Variants in NOBOX observed in about 807,000 individuals in gnomAD.
NOBOX encodes homeobox protein NOBOX.
Under a neutral mutation model 60.2 loss-of-function variants are expected in NOBOX, and 46 were observed. The ratio of observed to expected loss-of-function variants is 0.76; its 90% CI spans 0.60 to 0.98. NOBOX has a LOEUF of 0.98. NOBOX is among the 50% of genes least tolerant of loss of function. NOBOX has a pLI of 0.00. For synonymous variants in NOBOX, 360 were observed against 346.3 expected (o/e 1.04, Z -0.44); for missense variants, 880 against 865.5 (o/e 1.02, Z -0.21).
intron 2 of NOBOX, 88 bp from the exon 1 acceptor site, chr7:144,403,781 A>T (rs2053961879): frequency 2.0e-6 from 1 of 496,088 alleles, no homozygotes; most frequent in Admixed American, 4.0e-5. Context: ...TGCAGCCCGC[A>T]CGGGCCGGGC....
intron 1 of NOBOX, among the ~76,000 whole-genome samples, chr7:144,407,604 C>A (rs1278856791): frequency 6.6e-6 from 1 of 152,162 alleles, no homozygotes; most frequent in Non-Finnish European, 1.5e-5. Context: ...TACTGGGGAC[C>A]GATGACAGGG....
At chr7:144,403,667 C>A in intron 2 of NOBOX, 1 of 701,584 alleles carries the variant, frequency 1.4e-6, no homozygotes, top group Non-Finnish European at 2.6e-6. Flanking sequence ...CCAGCGGTCC[C>A]TGGCAGGGAT....
At chr7:144,398,654 C>T (rs570519367) in intron 8 of NOBOX, 68 bp from the exon 7 acceptor site, 270 of 1,172,992 alleles carry the variant, frequency 2.3e-4, no homozygotes, top group Middle Eastern at 5.6e-4. Context: ...ACCACAGTAG[C>T]GGAGTCCCTA....
intron 1 of NOBOX, among the ~76,000 whole-genome samples, chr7:144,409,030 A>C (rs2054004621): frequency 1.3e-5 from 2 of 152,204 alleles, no homozygotes; most frequent in Admixed American, 6.5e-5. Flanking sequence ...GTGTATATGG[A>C]ATCCCTGTAT....
At chr7:144,404,026 C>T (rs1366619429) in intron 2 of NOBOX, among the ~76,000 whole-genome samples, 1 of 152,046 alleles carries the variant, frequency 6.6e-6, no homozygotes, top group Non-Finnish European at 1.5e-5. Flanking sequence ...GAGGCGGGAG[C>T]GAGGCTACCC....
intron 4 of NOBOX, among the ~76,000 whole-genome samples, chr7:144,400,572 C>T (rs2053930413): frequency 6.6e-6 from 1 of 152,236 alleles, no homozygotes; most frequent in African/African-American, 2.4e-5. Flanking sequence ...GAGTCTCACT[C>T]TGTTGCCCAG....
intron 2 of NOBOX, chr7:144,402,051 G>C (rs1563129521): frequency 1.2e-6 from 1 of 839,324 alleles, no homozygotes; most frequent in Non-Finnish European, 2.0e-6. Context: ...ATTATTGCTT[G>C]GAGAAGGGAC....
intron 9 of NOBOX, 57 bp from the exon 8 acceptor site, chr7:144,397,598 T>C (rs913003885): frequency 1.1e-5 from 15 of 1,387,722 alleles, no homozygotes; most frequent in Non-Finnish European, 1.4e-5. Flanking sequence ...TCAACTATCA[T>C]TAACAGTGTT....
chr7:144,399,484 T>G lies in NOBOX; in HGVS notation c.1155-2A>C. 1.3e-6 allele frequency: 2 copies of G among 1,571,798 alleles called. No homozygotes were observed. Among genetic ancestry groups the G allele is most frequent in the African/African-American group, 1.3e-5 (1 of 74,124 alleles). The stretch of plus-strand genomic sequence containing the variant: ...GCAGGTAGGATCTCAGCTGCAGAGC[T>G]GGAGGCAGGAAGAATGAAGACTGTA... On this transcript the variant is annotated splice_acceptor_variant, in intron 6 of 9. Coordinates refer to ENST00000467773, the MANE Select transcript of NOBOX (RefSeq NM_001080413.3). LOFTEE classifies it high-confidence loss of function.
At chr7:144,409,425 A>C (rs577463342) in intron 1 of NOBOX, among the ~76,000 whole-genome samples, 10 of 152,264 alleles carry the variant, frequency 6.6e-5, no homozygotes, top group African/African-American at 2.2e-4. Flanking sequence ...AATTTGGCAC[A>C]TTTCCTCACA....
At position 144,398,420 on chromosome 7, in the gene NOBOX, G is replaced by T. The variant is rs1463442709; in HGVS notation, c.1636C>A (p.Pro546Thr). The T allele has an allele frequency of 2.0e-6, 3 of 1,537,288 alleles. No individual in the cohort carries two copies. The highest frequency in any genetic ancestry group is 2.4e-5 in the South Asian group (2 of 84,054). The stretch of plus-strand genomic sequence containing the variant: ...GGCGGTGGAAGCGTCAGTGAACTGG[G>T]CATGGAGAAGGGGAAAGTGGGGAGG... Residue 546 changes from proline (P) to threonine (T), a missense_variant, in exon 9 of 10, where the codon CCC becomes ACC. Physicochemically the swap from Pro to Thr is conservative, Grantham distance 38. Transcript: ENST00000467773.
rs762791118 is a variant in NOBOX, at chr7:144,404,583, G to C, written c.183C>G (p.Ser61Arg). Residue 61 changes from serine to arginine, a missense_variant, in exon 2 of 10, where the codon AGC becomes AGG. Physicochemically the swap from Ser to Arg is moderately radical, Grantham distance 110. Coordinates refer to ENST00000467773, the MANE Select transcript of NOBOX (RefSeq NM_001080413.3). Reference sequence around the variant, plus strand: ...ATTTGAGGGTCTCCAGAGCACAAAGGCTGCACCGGATGATGAAGAAGGAGC... The same window carrying C: ...ATTTGAGGGTCTCCAGAGCACAAAGCCTGCACCGGATGATGAAGAAGGAGC... 1.9e-6 allele frequency: 3 copies of C among 1,613,610 alleles called. No homozygotes were observed. Among genetic ancestry groups the C allele is most frequent in the South Asian group, 2.2e-5 (2 of 90,814 alleles).
intron 4 of NOBOX, among the ~76,000 whole-genome samples, 196 bp from the exon 3 acceptor site, chr7:144,400,508 C>CTTTA (rs1458067326): frequency 1.3e-5 from 2 of 152,242 alleles, no homozygotes; most frequent in Admixed American, 1.3e-4. Context: ...TGTTTACTTT[C>CTTTA]TTTACTCTTC....
chr7:144,401,128 G>A lies in NOBOX; in HGVS notation c.762C>T (p.Ser254=). ...CCTGCTTGTGGTCTCTGTTTTGGTT[G>A]CTCTGCGCCAATGTACTGAGGAGAT... is the stretch of plus-strand genomic sequence containing the variant. Residue 254 remains serine, a synonymous_variant, in exon 4 of 10, where the codon AGC becomes AGT. Coordinates refer to ENST00000467773, the MANE Select transcript of NOBOX (RefSeq NM_001080413.3). This position sits in a 1 kb window ranked among gnomAD's most constrained non-coding sequence, Gnocchi z 4.2. The A allele has an allele frequency of 1.3e-6, 2 of 1,579,880 alleles. No homozygotes were observed. The highest frequency in any genetic ancestry group is 1.7e-6 in the Non-Finnish European group (2 of 1,163,704).
rs564664696 is a variant in NOBOX, at chr7:144,398,398, G to A, written c.1658C>T (p.Pro553Leu). The A allele has an allele frequency of 1.8e-4, 271 of 1,537,236 alleles. No individual in the cohort carries two copies. Among genetic ancestry groups the A allele is most frequent in the Middle Eastern group, 5.0e-4 (3 of 5,978 alleles). ...AAACATAAAGAGAGAGTCTTCGGGC[G>A]GTGGAAGCGTCAGTGAACTGGGCAT... Residue 553 changes from proline (P) to leucine (L), a missense_variant, in exon 9 of 10, where the codon CCG (proline) becomes CTG (leucine). Pro to Leu is a moderately conservative substitution (Grantham distance 98). Transcript: ENST00000467773.
chr7:144,407,268 A>G (rs2053992098), intron 1 of NOBOX, among the ~76,000 whole-genome samples: 1 of 152,206 alleles, frequency 6.6e-6, no homozygotes, highest in African/African-American at 2.4e-5. Context: ...GCTGATTGAG[A>G]ACATTTTTTG....
intron 1 of NOBOX, among the ~76,000 whole-genome samples, chr7:144,406,377 G>C (rs555483736): frequency 6.6e-6 from 1 of 152,140 alleles, no homozygotes; most frequent in Non-Finnish European, 1.5e-5. Flanking sequence ...GGCCAACATG[G>C]TGAAACCCTG....
rs1267966653 is a variant in NOBOX, at chr7:144,401,341, T to G, written c.549A>C (p.Glu183Asp). 1 of 1,613,790 alleles carries G rather than the reference T, an allele frequency of 6.2e-7. No individual in the cohort carries two copies. The change falls in exon 4 of 10, where the codon GAA becomes GAC. Residue 183 changes from glutamate (E) to aspartate (D), a missense_variant. Glu to Asp is a conservative substitution (Grantham distance 45). Transcript: ENST00000467773. The surrounding 1 kb of genome is among the most constrained non-coding windows in gnomAD (Gnocchi z 4.2). The stretch of plus-strand genomic sequence containing the variant: ...CCTCTCCCACTGGGAGGGAACAATC[T>G]TCCCCCTGAGTCTGGGGCCTGGAGC...
chr7:144,397,776 C>T (rs997903896), intron 9 of NOBOX, among the ~76,000 whole-genome samples: 3 of 152,134 alleles, frequency 2.0e-5, no homozygotes, highest in African/African-American at 7.2e-5. Flanking sequence ...ATGGATCAGG[C>T]CAATGCTGTT....
Sources: allele counts gnomAD v4.1 joint callset (sites outside exome capture counted in the v4.1 genomes callset), GRCh38; gene constraint gnomAD v4.1.1; non-coding constraint Gnocchi (gnomAD v3.1); transcripts MANE v1.5; gene names NCBI Gene and HGNC (gene_info 2026-07-23, HGNC 2026-07-21).